CALN1: variants seen among roughly 807,000 people sequenced by gnomAD.
CALN1 encodes the protein calcium-binding protein 8.
A neutral mutation model predicts 30.6 loss-of-function variants in CALN1; 17 were observed. The observed-to-expected ratio is 0.56, with a 90% confidence interval of 0.38 to 0.83. CALN1 has a LOEUF of 0.83. Among genes scored for constraint, CALN1 ranks in the 40% least tolerant of loss-of-function variants. The probability of loss-of-function intolerance (pLI) is 0.00; values close to 1 mark genes in which losing one functional copy is unlikely to be tolerated. For synonymous variants in CALN1, 156 were observed against 131.4 expected (o/e 1.19, Z -1.28); for missense variants, 291 against 354.9 (o/e 0.82, Z 1.45).
At chr7:72,044,978 AC>A (rs1248996188) in intron 4 of CALN1, among the ~76,000 whole-genome samples, 1 of 152,202 alleles carries the variant, frequency 6.6e-6, no homozygotes, top group Non-Finnish European at 1.5e-5. Flanking sequence ...GGATGCAATG[AC>A]TGCAGAATAA....
intron 3 of CALN1, among the ~76,000 whole-genome samples, chr7:72,274,681 C>T (rs1468551224): frequency 6.6e-6 from 1 of 152,030 alleles, no homozygotes; most frequent in East Asian, 1.9e-4. Flanking sequence ...GACGTAAGCT[C>T]CTTGGAAAGA....
intron 5 of CALN1, among the ~76,000 whole-genome samples, chr7:71,814,987 C>T (rs1788178114): frequency 6.6e-6 from 1 of 152,048 alleles, no homozygotes; most frequent in Admixed American, 6.6e-5. Context: ...GTGCCCGCCA[C>T]CACGCCCAGC....
At chr7:71,790,618 T>C (rs1359965814) in intron 6 of CALN1, among the ~76,000 whole-genome samples, 1 of 152,180 alleles carries the variant, frequency 6.6e-6, no homozygotes, top group African/African-American at 2.4e-5. Context: ...TCTGTGCCCT[T>C]GAGGTCGGCA....
intron 2 of CALN1, among the ~76,000 whole-genome samples, chr7:72,322,171 G>T (rs970450128): frequency 3.3e-5 from 5 of 152,152 alleles, no homozygotes; most frequent in Admixed American, 1.3e-4. Flanking sequence ...GGTCCCATCC[G>T]GGGGTGCTGG....
At chr7:72,290,529 C>T (rs1307498553) in intron 2 of CALN1, among the ~76,000 whole-genome samples, 1 of 152,170 alleles carries the variant, frequency 6.6e-6, no homozygotes, top group Non-Finnish European at 1.5e-5. Flanking sequence ...CACCTAAAAT[C>T]CACTCCTTCA....
chr7:72,408,097 T>C (rs1474726496), intron 1 of CALN1, among the ~76,000 whole-genome samples: 1 of 151,978 alleles, frequency 6.6e-6, no homozygotes, highest in Non-Finnish European at 1.5e-5. Context: ...TGAACACACA[T>C]TTAATCAATG....
intron 4 of CALN1, among the ~76,000 whole-genome samples, chr7:72,069,395 C>G (rs1317032100): frequency 1.3e-5 from 2 of 152,188 alleles, no homozygotes; most frequent in East Asian, 3.9e-4. Context: ...TGAATGATCT[C>G]ACAGTTCTGG....
chr7:71,940,100 A>C (rs528530355), intron 5 of CALN1, among the ~76,000 whole-genome samples: 1 of 152,208 alleles, frequency 6.6e-6, no homozygotes, highest in South Asian at 2.1e-4. Context: ...CAAGGGTCTC[A>C]ACTGGAAACC....
At chr7:72,337,324 G>A in intron 2 of CALN1, 3 of 979,494 alleles carry the variant, frequency 3.1e-6, no homozygotes, top group South Asian at 4.7e-5. Context: ...GGGTCGGGGA[G>A]CCCCCACCCC....
At chr7:72,405,810 T>G (rs906767540) in intron 1 of CALN1, among the ~76,000 whole-genome samples, 1 of 152,198 alleles carries the variant, frequency 6.6e-6, no homozygotes, top group East Asian at 1.9e-4. Context: ...GGTAAATGCA[T>G]ATTTCAAAAA....
Position 72,142,040 on chromosome 7 carries a change from C to T in CALN1, c.245-35746G>A, listed in dbSNP as rs940534808. 8.5e-5 allele frequency among the ~76,000 whole-genome samples: 13 copies of T among 152,310 alleles called. 1 individual carries two copies. The highest frequency in any genetic ancestry group is 6.5e-5 in the Admixed American group (1 of 15,296). Reference sequence around the variant, plus strand: ...AACAGCTCCAGTCTACAGCTCCCAGCGTGAGCGACGCAGAAGACAGGTGAT... The same window carrying T: ...AACAGCTCCAGTCTACAGCTCCCAGTGTGAGCGACGCAGAAGACAGGTGAT... On this transcript the variant is annotated intron_variant, in intron 3 of 6. Transcript: ENST00000395275.
intron 4 of CALN1, among the ~76,000 whole-genome samples, chr7:72,095,092 A>G (rs1307563460): frequency 6.6e-6 from 1 of 152,134 alleles, no homozygotes; most frequent in Non-Finnish European, 1.5e-5. Context: ...TATATCTAAA[A>G]GCTATCTGGT....
intron 5 of CALN1, among the ~76,000 whole-genome samples, chr7:71,961,864 G>A (rs1213788483): frequency 6.6e-6 from 1 of 152,086 alleles, no homozygotes; most frequent in African/African-American, 2.4e-5. Context: ...CTCTTCACAA[G>A]CCTATTTCCC....
chr7:72,219,053 C>T (rs559146336), intron 3 of CALN1, among the ~76,000 whole-genome samples: 1 of 152,328 alleles, frequency 6.6e-6, no homozygotes, highest in Admixed American at 6.5e-5. Context: ...CCACTCTTGA[C>T]TCTGACAACT....
At chr7:72,216,669 C>A (rs1462998370) in intron 3 of CALN1, among the ~76,000 whole-genome samples, 5 of 152,122 alleles carry the variant, frequency 3.3e-5, no homozygotes, top group African/African-American at 9.7e-5. Context: ...GAACCAGATA[C>A]ACCTCTGATC....
intron 2 of CALN1, among the ~76,000 whole-genome samples, chr7:72,319,083 A>G (rs1417699058): frequency 6.6e-6 from 1 of 152,196 alleles, no homozygotes; most frequent in South Asian, 2.1e-4. Context: ...ATCTGCACCC[A>G]TATGTTTATC....
the CALN1 span, among the ~76,000 whole-genome samples, chr7:72,495,054 C>A: frequency 6.6e-6 from 1 of 152,130 alleles, no homozygotes; most frequent in Non-Finnish European, 1.5e-5. Context: ...AGCCACACAG[C>A]CAGCTCAATC....
intron 5 of CALN1, among the ~76,000 whole-genome samples, chr7:72,007,284 G>T (rs1395183510): frequency 6.6e-6 from 1 of 152,204 alleles, no homozygotes; most frequent in South Asian, 2.1e-4. Context: ...AGTGGCTTGC[G>T]CTTGCAATCC....
intron 3 of CALN1, among the ~76,000 whole-genome samples, chr7:72,187,435 G>A (rs1168105614): frequency 1.3e-5 from 2 of 152,126 alleles, no homozygotes; most frequent in Non-Finnish European, 2.9e-5. Context: ...AGGAGGTGAG[G>A]GAACATTACC....
Sources: allele counts gnomAD v4.1 joint callset (sites outside exome capture counted in the v4.1 genomes callset), GRCh38; gene constraint gnomAD v4.1.1; transcripts MANE v1.5; gene names NCBI Gene and HGNC (gene_info 2026-07-23, HGNC 2026-07-21).